ADGRB3: variants seen among roughly 807,000 people sequenced by gnomAD.
ADGRB3 encodes adhesion G protein-coupled receptor B3.
A neutral mutation model predicts 193.4 loss-of-function variants in ADGRB3; 37 were observed. The observed-to-expected ratio is 0.19, with a 90% confidence interval of 0.15 to 0.25. The LOEUF (loss-of-function observed/expected upper bound fraction) is 0.25. Ranked by LOEUF, ADGRB3 falls within the 10% of genes least tolerant of loss-of-function variation. The pLI is 1.00. For missense variants in ADGRB3, 1,637 were observed against 1,852.9 expected (o/e 0.88, Z 2.14); for synonymous variants, 690 against 644.2 (o/e 1.07, Z -1.08).
intron 17 of ADGRB3, among the ~76,000 whole-genome samples, chr6:69,166,828 G>A (rs930572512): frequency 2.0e-5 from 3 of 152,012 alleles, no homozygotes; most frequent in Admixed American, 6.6e-5. Flanking sequence ...TGATTACAAG[G>A]CACTCTCTTT....
chr6:69,264,172 A>G (rs575963226), intron 20 of ADGRB3, among the ~76,000 whole-genome samples: 2 of 152,098 alleles, frequency 1.3e-5, no homozygotes, highest in African/African-American at 4.8e-5. Flanking sequence ...GAAAAAGACA[A>G]TTTACAAGGT....
chr6:68,889,737 C>T (rs532889376), intron 3 of ADGRB3, among the ~76,000 whole-genome samples: 13 of 152,078 alleles, frequency 8.5e-5, no homozygotes, highest in South Asian at 2.1e-4. Flanking sequence ...CTCCTGACCT[C>T]GTGATCCACC....
In ADGRB3 at chr6:69,361,311, C is replaced by A. The variant is rs375247005; in HGVS notation, c.4038C>A (p.Asn1346Lys). Residue 1346 changes from asparagine (N) to lysine (K), a missense_variant, in exon 29 of 32, where the codon AAC becomes AAA. Coordinates refer to ENST00000370598, the MANE Select transcript of ADGRB3 (RefSeq NM_001704.3). ...PHERLLHYKV[N>K]PEFNMNPPVM... ...AAAGGCTATTGCACTACAAAGTAAA[C>A]CCTGAATTCAATATGAATCCCCCTG... 1.5e-5 allele frequency: 24 copies of A among 1,612,752 alleles called. No individual in the cohort carries two copies. The highest frequency in any genetic ancestry group is 5.0e-5 in the Admixed American group (3 of 59,836).
chr6:69,303,292 G>C (rs567778506), intron 20 of ADGRB3, among the ~76,000 whole-genome samples: 1 of 151,708 alleles, frequency 6.6e-6, no homozygotes, highest in African/African-American at 2.4e-5. Context: ...ATAAAAAAGC[G>C]AAAAAAATCA....
intron 17 of ADGRB3, among the ~76,000 whole-genome samples, chr6:69,118,932 T>C (rs1400071617): frequency 6.6e-6 from 1 of 152,186 alleles, no homozygotes; most frequent in Non-Finnish European, 1.5e-5. Flanking sequence ...ATGAAGAGTA[T>C]ATGATAAATA....
chr6:68,987,726 C>T (rs1018716701), intron 10 of ADGRB3, among the ~76,000 whole-genome samples: 22 of 152,072 alleles, frequency 1.4e-4, no homozygotes, highest in African/African-American at 5.3e-4. Flanking sequence ...AGTCTCCACT[C>T]CTTCATCTGT....
At chr6:69,337,390 C>T (rs2127318284) in intron 24 of ADGRB3, among the ~76,000 whole-genome samples, 1 of 152,108 alleles carries the variant, frequency 6.6e-6, no homozygotes. Flanking sequence ...GTTTGTTCAT[C>T]AGCATAATCT....
intron 20 of ADGRB3, among the ~76,000 whole-genome samples, chr6:69,251,394 T>C (rs1766616441): frequency 6.6e-6 from 1 of 152,282 alleles, no homozygotes; most frequent in East Asian, 1.9e-4. Context: ...ATTACTTTAC[T>C]TTGTAATCTT....
intron 13 of ADGRB3, among the ~76,000 whole-genome samples, chr6:69,036,841 G>A (rs934782534): frequency 5.9e-5 from 9 of 152,144 alleles, no homozygotes; most frequent in African/African-American, 1.9e-4. Flanking sequence ...TGTAGGTCAA[G>A]GCATAAAATT....
At chr6:69,351,212 GC>G (rs1392401131) in intron 26 of ADGRB3, among the ~76,000 whole-genome samples, 1 of 151,110 alleles carries the variant, frequency 6.6e-6, no homozygotes, top group African/African-American at 2.4e-5. Flanking sequence ...TCCTCCCTCA[GC>G]CCCCAGGTAG....
At chr6:69,228,469 G>T (rs906940387) in intron 17 of ADGRB3, among the ~76,000 whole-genome samples, 5 of 152,320 alleles carry the variant, frequency 3.3e-5, no homozygotes, top group South Asian at 4.1e-4. Context: ...GCATTAACAG[G>T]TATAGAGGAG....
At chr6:68,802,248 T>A (rs1164944293) in intron 3 of ADGRB3, among the ~76,000 whole-genome samples, 1 of 151,960 alleles carries the variant, frequency 6.6e-6, no homozygotes, top group Non-Finnish European at 1.5e-5. Context: ...GAATTTTGAA[T>A]ACAGTCTAAT....
At chr6:68,933,257 G>A (rs1056095945) in intron 4 of ADGRB3, among the ~76,000 whole-genome samples, 3 of 152,046 alleles carry the variant, frequency 2.0e-5, no homozygotes, top group African/African-American at 7.2e-5. Flanking sequence ...GAGGAAAATA[G>A]CCTAAATTTG....
intron 17 of ADGRB3, among the ~76,000 whole-genome samples, chr6:69,158,928 T>C (rs757460795): frequency 1.3e-5 from 2 of 152,124 alleles, no homozygotes; most frequent in Non-Finnish European, 2.9e-5. Context: ...CTCCTAGTTC[T>C]ATATTTTATT....
intron 27 of ADGRB3, among the ~76,000 whole-genome samples, 195 bp downstream of exon 27, chr6:69,354,523 T>C (rs1769295862): frequency 6.6e-6 from 1 of 152,162 alleles, no homozygotes; most frequent in Admixed American, 6.5e-5. Flanking sequence ...TGTTGTTGGC[T>C]CCCTGGGGTG....
chr6:69,115,997 A>G (rs755513663), intron 17 of ADGRB3, among the ~76,000 whole-genome samples: 5 of 152,234 alleles, frequency 3.3e-5, no homozygotes, highest in Non-Finnish European at 7.3e-5. Context: ...CTGAATTTGT[A>G]GAGTAGGCTA....
chr6:68,933,120 T>C (rs1167452920), intron 4 of ADGRB3, among the ~76,000 whole-genome samples: 1 of 151,158 alleles, frequency 6.6e-6, no homozygotes, highest in Non-Finnish European at 1.5e-5. Flanking sequence ...ATATATTTAA[T>C]ATAGACATCT....
intron 17 of ADGRB3, among the ~76,000 whole-genome samples, chr6:69,131,042 C>A (rs1270644018): frequency 1.3e-5 from 2 of 151,564 alleles, no homozygotes; most frequent in Non-Finnish European, 2.9e-5. Context: ...CAGAATAATA[C>A]CTTTAAAAGA....
At chr6:68,914,237 A>G (rs1436349075) in intron 3 of ADGRB3, among the ~76,000 whole-genome samples, 2 of 150,740 alleles carry the variant, frequency 1.3e-5, no homozygotes, top group Admixed American at 1.3e-4. Flanking sequence ...AAGACACATA[A>G]TTGTCAGATT....
Sources: allele counts gnomAD v4.1 joint callset (sites outside exome capture counted in the v4.1 genomes callset), GRCh38; gene constraint gnomAD v4.1.1; transcripts MANE v1.5; gene names NCBI Gene and HGNC (gene_info 2026-07-23, HGNC 2026-07-21).